The following SLC7A1 variants were observed in gnomAD, a reference collection of about 807,000 sequenced individuals.
SLC7A1 encodes the protein high affinity cationic amino acid transporter 1.
SLC7A1 carries 10 observed loss-of-function variants against 53.9 expected under a neutral mutation model. The ratio of observed to expected loss-of-function variants is 0.19; its 90% confidence interval spans 0.11 to 0.31. The LOEUF is 0.31. Ranked by LOEUF, SLC7A1 falls within the 10% of genes least tolerant of loss-of-function variation. SLC7A1 has a pLI of 1.00. For synonymous variants in SLC7A1, 342 were observed against 338.7 expected, an observed-to-expected ratio of 1.01 and a Z score of -0.11; for missense variants, 525 against 827.2, an observed-to-expected ratio of 0.63 and a Z score of 4.48.
At chr13:29,527,755 C>G (rs1868963277) in intron 5 of SLC7A1, among the ~76,000 whole-genome samples, 1 of 152,260 alleles carries the variant, frequency 6.6e-6, no homozygotes, top group South Asian at 2.1e-4. Flanking sequence ...GGGTCTCCCA[C>G]TGCATCAGTG....
At chr13:29,515,990 G>C in intron 12 of SLC7A1, 148 bp downstream of exon 12, 1 of 569,496 alleles carries the variant, frequency 1.8e-6, no homozygotes, top group Non-Finnish European at 3.2e-6. Context: ...CTAACAGGGA[G>C]GAGAGGACTC....
At chr13:29,571,046 A>G (rs891449244) in intron 1 of SLC7A1, among the ~76,000 whole-genome samples, 5 of 152,236 alleles carry the variant, frequency 3.3e-5, no homozygotes, top group African/African-American at 1.2e-4. Flanking sequence ...TCTCATTAGT[A>G]GCCAACTTAT....
intron 2 of SLC7A1, among the ~76,000 whole-genome samples, chr13:29,541,116 G>A (rs935826233): frequency 1.3e-5 from 2 of 152,114 alleles, no homozygotes; most frequent in Non-Finnish European, 2.9e-5. Flanking sequence ...CAATGACAAG[G>A]GCAAAACCTG....
chr13:29,552,776 T>C (rs1482711057), intron 2 of SLC7A1, among the ~76,000 whole-genome samples: 2 of 152,092 alleles, frequency 1.3e-5, no homozygotes, highest in South Asian at 2.1e-4. Context: ...AATATGTGGG[T>C]AAATCTCTGT....
chr13:29,557,065 G>A (rs745461109), intron 1 of SLC7A1, among the ~76,000 whole-genome samples: 18 of 152,198 alleles, frequency 1.2e-4, no homozygotes, highest in Non-Finnish European at 2.5e-4. Context: ...CATTAACACT[G>A]CTTTTCTTTA....
In SLC7A1 at chr13:29,514,334, G is replaced by A; in HGVS notation, c.*146C>T. On this transcript the variant is annotated 3_prime_UTR_variant, in exon 13 of 13. Coordinates refer to ENST00000380752, the MANE Select transcript of SLC7A1 (RefSeq NM_003045.5). ...GCAGAGCCGAGGGTGGGCTGGGGCT[G>A]CAGGTCAAGTAATTGCACCTTTGGC... The A allele has an allele frequency of 1.6e-6, 1 of 624,236 alleles. No homozygotes were observed. Among genetic ancestry groups the A allele is most frequent in the Non-Finnish European group, 2.9e-6 (1 of 349,112 alleles). The allele number at this position is 624,236 out of a possible 1,614,324, so 38.7% of individuals were successfully genotyped here.
At chr13:29,526,311 A>AT (rs1326083506) in intron 5 of SLC7A1, among the ~76,000 whole-genome samples, 1 of 145,018 alleles carries the variant, frequency 6.9e-6, no homozygotes, top group Non-Finnish European at 1.5e-5. Context: ...CAAAAAAAAA[A>AT]TTTTTTTCTG....
At chr13:29,517,490 G>A in intron 10 of SLC7A1, 83 bp downstream of exon 10, 1 of 1,287,798 alleles carries the variant, frequency 7.8e-7, no homozygotes, top group Non-Finnish European at 1.1e-6. Context: ...ATCTTCTCTG[G>A]CACCTTCCCC....
intron 1 of SLC7A1, among the ~76,000 whole-genome samples, chr13:29,590,282 A>G (rs1436474676): frequency 6.6e-6 from 1 of 152,194 alleles, no homozygotes; most frequent in African/African-American, 2.4e-5. Context: ...TGCTTTTTCT[A>G]AAACCCAAGG....
At chr13:29,566,786 A>T (rs1407146220) in intron 1 of SLC7A1, among the ~76,000 whole-genome samples, 3 of 152,028 alleles carry the variant, frequency 2.0e-5, no homozygotes, top group Admixed American at 6.5e-5. Flanking sequence ...TATTTTTTGT[A>T]AAAAAAGTCA....
chr13:29,544,255 AT>A (rs1869805300), intron 2 of SLC7A1, among the ~76,000 whole-genome samples: 2 of 152,236 alleles, frequency 1.3e-5, no homozygotes, highest in Admixed American at 6.5e-5. Flanking sequence ...AAAGAACATA[AT>A]ATAATACCAA....
chr13:29,570,331 C>T (rs1871139462), intron 1 of SLC7A1, among the ~76,000 whole-genome samples: 1 of 152,216 alleles, frequency 6.6e-6, no homozygotes, highest in South Asian at 2.1e-4. Flanking sequence ...TTCCATGTCC[C>T]ATTTCATATT....
intron 3 of SLC7A1, 32 bp downstream of exon 3, chr13:29,535,787 G>A (rs1362451110): frequency 7.5e-6 from 12 of 1,591,182 alleles, no homozygotes; most frequent in Non-Finnish European, 8.6e-6. Context: ...AAAAGTGGTA[G>A]AGGGCACGAG....
In SLC7A1 at chr13:29,510,188, A is replaced by G. The variant is rs957179030; in HGVS notation, c.*4292T>C. 4 of 152,648 alleles carry G rather than the reference A, an allele frequency of 2.6e-5. No homozygotes were observed. Among genetic ancestry groups the G allele is most frequent in the African/African-American group, 9.6e-5 (4 of 41,474 alleles). 9.5% of individuals were successfully genotyped at this position (152,648 alleles called of 1,614,324 possible). A position where few individuals can be genotyped will look rare whatever the true frequency, so the allele number is the denominator to read the frequency against. ...TTGTAGAATGACCCAGGAGGGCTCC[A>G]TGGCAACTGTGCCCCGAGACTCCAG... On this transcript the variant is annotated 3_prime_UTR_variant, in exon 13 of 13. Coordinates refer to ENST00000380752, the MANE Select transcript of SLC7A1 (RefSeq NM_003045.5).
intron 3 of SLC7A1, among the ~76,000 whole-genome samples, chr13:29,534,959 C>T (rs766834266): frequency 1.3e-5 from 2 of 152,116 alleles, no homozygotes; most frequent in African/African-American, 2.4e-5. Context: ...CCTGGCAAAC[C>T]GGAAAGATTT....
At chr13:29,533,967 TA>T (rs754285018) in intron 3 of SLC7A1, among the ~76,000 whole-genome samples, 92 of 152,334 alleles carry the variant, frequency 6.0e-4, no homozygotes, top group Non-Finnish European at 4.1e-4. Flanking sequence ...GGTCTTATGA[TA>T]AGTAAGTATC....
intron 1 of SLC7A1, among the ~76,000 whole-genome samples, chr13:29,556,598 C>A (rs1870451604): frequency 6.6e-6 from 1 of 152,182 alleles, no homozygotes; most frequent in African/African-American, 2.4e-5. Context: ...AGGTTGGTCT[C>A]AAATTCCTCA....
At chr13:29,536,888 T>C (rs1383789273) in intron 2 of SLC7A1, among the ~76,000 whole-genome samples, 3 of 152,252 alleles carry the variant, frequency 2.0e-5, no homozygotes, top group Non-Finnish European at 4.4e-5. Context: ...GTATATGATA[T>C]ATATGCATAT....
At chr13:29,587,552 A>T (rs1456804207) in intron 1 of SLC7A1, among the ~76,000 whole-genome samples, 1 of 152,224 alleles carries the variant, frequency 6.6e-6, no homozygotes, top group East Asian at 1.9e-4. Flanking sequence ...ATATGGGGCC[A>T]GTGCTGTTTC....
Sources: gnomAD v4.1 joint callset for allele counts (sites outside exome capture counted in the v4.1 genomes callset) on GRCh38, gnomAD v4.1.1 for gene constraint, MANE v1.5 for transcripts, NCBI Gene and HGNC (gene_info 2026-07-23, HGNC 2026-07-21) for gene names.